Variants in SPI1 observed in about 807,000 individuals in gnomAD.
The protein encoded by SPI1 is transcription factor PU.1.
A neutral mutation model predicts 30.7 loss-of-function variants in SPI1; 3 were observed. That is an observed-to-expected ratio of 0.10 (90% CI 0.04 to 0.25). The LOEUF (loss-of-function observed/expected upper bound fraction) is 0.25. SPI1 is among the 10% of genes least tolerant of loss of function. SPI1 has a pLI of 1.00. For synonymous variants in SPI1, 169 were observed against 157.1 expected (o/e 1.08, Z -0.56); for missense variants, 261 against 371.5 (o/e 0.70, Z 2.45).
chr11:47,356,770 C>T (rs1319520687), intron 4 of SPI1, among the ~76,000 whole-genome samples: 5 of 150,866 alleles, frequency 3.3e-5, no homozygotes, highest in African/African-American at 4.9e-5. Flanking sequence ...CACATATGAT[C>T]GCACCTACCC....
intron 2 of SPI1, among the ~76,000 whole-genome samples, chr11:47,365,800 G>C (rs2095927285): frequency 6.6e-6 from 1 of 152,144 alleles, no homozygotes; most frequent in Admixed American, 6.5e-5. Flanking sequence ...GGGTTCAAGT[G>C]ATTCTTCTGC....
At position 47,375,259 on chromosome 11, in the gene SPI1, A is replaced by G. The variant is rs1419401862; in HGVS notation, c.142+374T>C. ...GAGAGGAGGAGGTGGGTAGTTAGGC[A>G]GGGGCAGAAAAAAAAGCACAGGACC... On this transcript the variant is annotated intron_variant, in intron 2 of 4. Transcript: ENST00000378538. This position sits in a 1 kb window ranked among gnomAD's most constrained non-coding sequence, Gnocchi z 4.2. Among the ~76,000 whole-genome samples the G allele has an allele frequency of 6.6e-6, 1 of 152,186 alleles. No individual in the cohort carries two copies. Among genetic ancestry groups the G allele is most frequent in the Admixed American group, 6.5e-5 (1 of 15,286 alleles).
chr11:47,357,977 C>T (rs975024544), intron 4 of SPI1, among the ~76,000 whole-genome samples: 4 of 151,276 alleles, frequency 2.6e-5, no homozygotes, highest in Admixed American at 2.0e-4. Context: ...TAAGCACGTC[C>T]TCACCCCCCA....
chr11:47,365,533 T>C (rs538571150), intron 2 of SPI1, among the ~76,000 whole-genome samples: 1 of 152,308 alleles, frequency 6.6e-6, no homozygotes, highest in African/African-American at 2.4e-5. Flanking sequence ...AATCTATGGC[T>C]CAGAGAAGTT....
intron 2 of SPI1, among the ~76,000 whole-genome samples, chr11:47,372,754 C>T (rs896817): frequency 0.32 from 48,086 of 152,066 alleles, 8,304 homozygotes; most frequent in South Asian, 0.47. Flanking sequence ...GCACGGGCCT[C>T]GTCCTCTGCA....
In SPI1 at chr11:47,355,005, A is replaced by C; in HGVS notation, c.*222T>G. The C allele has an allele frequency of 3.0e-6, 1 of 337,262 alleles. No homozygotes were observed. Among genetic ancestry groups the C allele is most frequent in the African/African-American group, 2.3e-5 (1 of 44,418 alleles). 20.9% of individuals were successfully genotyped at this position (337,262 alleles called of 1,614,324 possible). On this transcript the variant is annotated 3_prime_UTR_variant, in exon 5 of 5. Transcript: ENST00000378538. ...TGCAAGGTTGCCCCGGTGGGGTCTG[A>C]CGCCCAGCTGGCGTCCGGGAGCCGG...
At chr11:47,376,806 G>C (rs1008120381) in intron 1 of SPI1, among the ~76,000 whole-genome samples, 6 of 152,158 alleles carry the variant, frequency 3.9e-5, no homozygotes, top group African/African-American at 1.4e-4. Context: ...TTAGGGCTGG[G>C]CTTGGGGGAC....
intron 4 of SPI1, among the ~76,000 whole-genome samples, chr11:47,355,986 C>T (rs1424046746): frequency 2.0e-5 from 3 of 150,310 alleles, no homozygotes; most frequent in African/African-American, 4.9e-5. Context: ...CACCCACACA[C>T]GCTCACACGT....
rs193151434 is a variant in SPI1, at chr11:47,375,389, G to A, written c.142+244C>T. 2.5e-3 allele frequency among the ~76,000 whole-genome samples: 381 copies of A among 152,366 alleles called. 2 individuals carry two copies. Among genetic ancestry groups the A allele is most frequent in the African/African-American group, 8.4e-3 (351 of 41,578 alleles). On this transcript the variant is annotated intron_variant, in intron 2 of 4. Coordinates refer to ENST00000378538, the MANE Select transcript of SPI1 (RefSeq NM_003120.3). This position sits in a 1 kb window ranked among gnomAD's most constrained non-coding sequence, Gnocchi z 4.2. ...GTTTATAAAGAAGACCACAAGGACAGAACCAGCAGATAACCATGGAAGAAA... is the reference window on the plus strand; with the variant it reads ...GTTTATAAAGAAGACCACAAGGACAAAACCAGCAGATAACCATGGAAGAAA...
chr11:47,361,931 G>A (rs1383302613), intron 2 of SPI1, among the ~76,000 whole-genome samples: 2 of 151,960 alleles, frequency 1.3e-5, no homozygotes, highest in Non-Finnish European at 2.9e-5. Context: ...AGTTACTGAG[G>A]CCTTGTCTAC....
At chr11:47,361,714 CAT>C (rs1360262179) in intron 2 of SPI1, among the ~76,000 whole-genome samples, 2 of 152,190 alleles carry the variant, frequency 1.3e-5, no homozygotes, top group African/African-American at 2.4e-5. Context: ...AAGGTGTACA[CAT>C]GTCTGCCTGC....
chr11:47,357,629 G>A (rs1039228389), intron 4 of SPI1, among the ~76,000 whole-genome samples: 74 of 152,076 alleles, frequency 4.9e-4, no homozygotes, highest in African/African-American at 1.7e-3. Context: ...GCAATGGCAC[G>A]ATCTCGGCTC....
At position 47,355,170 on chromosome 11, in the gene SPI1, G is replaced by C; in HGVS notation, c.*57C>G. ...TCCTCCCTGTGTCCGGGCCGGGCGA[G>C]GGCTTAATGCTATGGCCAGCGGGGA... is the stretch of plus-strand genomic sequence containing the variant. On this transcript the variant is annotated 3_prime_UTR_variant, in exon 5 of 5. Transcript: ENST00000378538. The C allele has an allele frequency of 8.0e-7, 1 of 1,250,868 alleles. No individual in the cohort carries two copies. Among genetic ancestry groups the C allele is most frequent in the Non-Finnish European group, 1.0e-6 (1 of 993,508 alleles). 77.5% of individuals were successfully genotyped at this position (1,250,868 alleles called of 1,614,324 possible). A position where few individuals can be genotyped will look rare whatever the true frequency, so the allele number is the denominator to read the frequency against.
chr11:47,367,204 A>G (rs1023551667), intron 2 of SPI1, among the ~76,000 whole-genome samples: 9 of 152,012 alleles, frequency 5.9e-5, no homozygotes, highest in East Asian at 1.9e-4. Context: ...TTGGATGGAT[A>G]GATGGATGGA....
intron 2 of SPI1, among the ~76,000 whole-genome samples, chr11:47,370,423 G>C (rs528202386): frequency 6.7e-6 from 1 of 148,728 alleles, no homozygotes; most frequent in African/African-American, 2.5e-5. Context: ...AAAAAAAAAG[G>C]CCAGGCATGG....
At chr11:47,357,452 C>T (rs1053268274) in intron 4 of SPI1, among the ~76,000 whole-genome samples, 4 of 152,044 alleles carry the variant, frequency 2.6e-5, no homozygotes, top group Admixed American at 6.6e-5. Flanking sequence ...CACACAACCA[C>T]TCAGACACCT....
At chr11:47,378,100 C>A (rs530025208) in intron 1 of SPI1, among the ~76,000 whole-genome samples, 1 of 152,276 alleles carries the variant, frequency 6.6e-6, no homozygotes, top group Non-Finnish European at 1.5e-5. Context: ...ACAGCCCCAC[C>A]GTGGGCCTGG....
chr11:47,357,628 C>T (rs1363858184), intron 4 of SPI1, among the ~76,000 whole-genome samples: 9 of 152,060 alleles, frequency 5.9e-5, no homozygotes, highest in Non-Finnish European at 1.3e-4. Flanking sequence ...TGCAATGGCA[C>T]GATCTCGGCT....
rs74635287 is a variant in SPI1, at chr11:47,377,507, C to T, written c.45+802G>A. Among the ~76,000 whole-genome samples the T allele has an allele frequency of 9.4e-3, 1,428 of 152,202 alleles. 28 individuals are homozygous for T. The highest frequency in any genetic ancestry group is 0.033 in the African/African-American group (1,367 of 41,532). On this transcript the variant is annotated intron_variant, in intron 1 of 4. Transcript: ENST00000378538. Reference sequence around the variant, plus strand: ...CAGTGGCGATCTGCCCTTCTCTTCTCGGGGTCCCCTGGGGCTCCCACTTCT... The same window carrying T: ...CAGTGGCGATCTGCCCTTCTCTTCTTGGGGTCCCCTGGGGCTCCCACTTCT...
Sources: allele counts gnomAD v4.1 joint callset (sites outside exome capture counted in the v4.1 genomes callset), GRCh38; gene constraint gnomAD v4.1.1; non-coding constraint Gnocchi (gnomAD v3.1); transcripts MANE v1.5; gene names NCBI Gene and HGNC (gene_info 2026-07-23, HGNC 2026-07-21).